DNMBP: variants seen among roughly 807,000 people sequenced by gnomAD.
DNMBP encodes the protein dynamin binding protein.
Under a neutral mutation model 150.0 loss-of-function variants are expected in DNMBP, and 87 were observed. The ratio of observed to expected loss-of-function variants is 0.58; its 90% CI spans 0.49 to 0.69. DNMBP has a LOEUF of 0.69. DNMBP is among the 30% of genes least tolerant of loss of function. DNMBP has a pLI of 0.00. For missense variants in DNMBP, 1,774 were observed against 1,949.0 expected (o/e 0.91, Z 1.69); for synonymous variants, 711 against 750.4 (o/e 0.95, Z 0.86).
chr10:99,974,106 CA>C (rs1265426811), intron 1 of DNMBP, among the ~76,000 whole-genome samples: 1 of 151,984 alleles, frequency 6.6e-6, no homozygotes, highest in Admixed American at 6.6e-5. Context: ...GTGGGCAACA[CA>C]GCACGACTTC....
At chr10:99,948,579 C>T (rs951354367) in intron 4 of DNMBP, among the ~76,000 whole-genome samples, 13 of 152,130 alleles carry the variant, frequency 8.5e-5, no homozygotes, top group African/African-American at 2.7e-4. Context: ...AATGAGAACC[C>T]ATGTGACATC....
At chr10:99,962,401 G>C (rs1015165995) in intron 3 of DNMBP, among the ~76,000 whole-genome samples, 1 of 152,206 alleles carries the variant, frequency 6.6e-6, no homozygotes, top group Non-Finnish European at 1.5e-5. Flanking sequence ...GGACGCCGAG[G>C]CAGGGGGATC....
intron 3 of DNMBP, among the ~76,000 whole-genome samples, chr10:99,962,856 T>C (rs527810099): frequency 9.9e-5 from 15 of 152,116 alleles, no homozygotes; most frequent in African/African-American, 2.4e-4. Context: ...CCTTGTTTTG[T>C]CAGATCCCCC....
intron 6 of DNMBP, among the ~76,000 whole-genome samples, chr10:99,904,587 C>T (rs1461134841): frequency 4.6e-5 from 7 of 152,078 alleles, no homozygotes; most frequent in Non-Finnish European, 8.8e-5. Flanking sequence ...TTAGAGCCAC[C>T]GGCATGGTAC....
At chr10:99,924,137 G>C (rs1018397305) in intron 4 of DNMBP, among the ~76,000 whole-genome samples, 1 of 152,086 alleles carries the variant, frequency 6.6e-6, no homozygotes, top group Non-Finnish European at 1.5e-5. Flanking sequence ...CTGGGCAACA[G>C]AGTAAGGCTC....
intron 3 of DNMBP, among the ~76,000 whole-genome samples, chr10:99,960,521 T>A (rs1246797700): frequency 6.6e-6 from 1 of 152,076 alleles, no homozygotes; most frequent in Non-Finnish European, 1.5e-5. Flanking sequence ...TAAAAAAAAA[T>A]TAGGCCAGGT....
intron 4 of DNMBP, among the ~76,000 whole-genome samples, chr10:99,922,298 A>G (rs2040030619): frequency 6.6e-6 from 1 of 151,622 alleles, no homozygotes; most frequent in African/African-American, 2.4e-5. Flanking sequence ...ACCCCTTAAC[A>G]CCCTCAGGTC....
chr10:99,971,240 T>C (rs933629358), intron 2 of DNMBP, among the ~76,000 whole-genome samples: 2 of 150,306 alleles, frequency 1.3e-5, no homozygotes, highest in African/African-American at 4.9e-5. Flanking sequence ...CACATATGAA[T>C]ACAGTAGGTA....
chr10:99,969,480 G>A lies in DNMBP; in HGVS notation c.146-243C>T, dbSNP rs199676559. Among the ~76,000 whole-genome samples, 4 of 152,170 alleles carry A rather than the reference G, an allele frequency of 2.6e-5. No individual in the cohort carries two copies. In the East Asian group the frequency reaches 5.8e-4, roughly 22 times the overall value. On this transcript the variant is annotated intron_variant, in intron 2 of 16. Coordinates refer to ENST00000324109, the MANE Select transcript of DNMBP (RefSeq NM_015221.4). ...CTGGGGGCTGCTATAGGCAAAGCACGCTGCAGAGGAAAACATAAGACAGTT... is the reference window on the plus strand; with the variant it reads ...CTGGGGGCTGCTATAGGCAAAGCACACTGCAGAGGAAAACATAAGACAGTT...
intron 1 of DNMBP, among the ~76,000 whole-genome samples, chr10:99,995,573 C>A (rs2040942226): frequency 6.6e-6 from 1 of 152,166 alleles, no homozygotes; most frequent in Non-Finnish European, 1.5e-5. Flanking sequence ...AAAAAGACAT[C>A]CAATTTTGTT....
intron 1 of DNMBP, among the ~76,000 whole-genome samples, chr10:100,001,501 T>A (rs2041012825): frequency 7.4e-6 from 1 of 135,440 alleles, no homozygotes; most frequent in East Asian, 2.6e-4. Flanking sequence ...AACCTCCACC[T>A]CCCAGGTTCA....
intron 5 of DNMBP, among the ~76,000 whole-genome samples, chr10:99,908,749 C>T (rs934743556): frequency 1.3e-5 from 2 of 152,186 alleles, no homozygotes; most frequent in African/African-American, 4.8e-5. Context: ...GGTAGGTTAA[C>T]AGTAGACTTG....
At chr10:99,909,850 GAACTA>G (rs1405329027) in intron 4 of DNMBP, among the ~76,000 whole-genome samples, 13 of 152,120 alleles carry the variant, frequency 8.5e-5, no homozygotes, top group Non-Finnish European at 1.6e-4. Flanking sequence ...GAATCTCTAA[GAACTA>G]AACTGCATTA....
At chr10:99,899,783 G>A in intron 7 of DNMBP, 136 bp downstream of exon 7, 2 of 1,023,984 alleles carry the variant, frequency 2.0e-6, no homozygotes, top group South Asian at 2.7e-5. Context: ...ATACAATCAG[G>A]AAACCACTTA....
chr10:99,888,919 C>T lies in DNMBP; in HGVS notation c.3191G>A (p.Ser1064Asn), dbSNP rs746884966. The T allele has an allele frequency of 6.2e-7, 1 of 1,614,056 alleles. No individual in the cohort carries two copies. Among genetic ancestry groups the T allele is most frequent in the African/African-American group, 1.3e-5 (1 of 74,894 alleles). ...TCTCTCCATGCACACATCCCACATG[C>T]TCACAGCAGCCACCACTTTCACACA... is the stretch of plus-strand genomic sequence containing the variant. ...SACVKVVAAV[S>N]MWDVCMERGH... The change falls in exon 12 of 17, where the codon AGC becomes AAC. Residue 1064 changes from serine (S) to asparagine (N), a missense_variant. Ser to Asn is a conservative substitution (Grantham distance 46). Transcript: ENST00000324109.
At chr10:99,887,670 C>T (rs2039490472) in intron 12 of DNMBP, among the ~76,000 whole-genome samples, 1 of 152,106 alleles carries the variant, frequency 6.6e-6, no homozygotes, top group African/African-American at 2.4e-5. Context: ...ATTAGAACAC[C>T]TGTCAGCTCC....
Position 99,969,192 on chromosome 10 carries a change from A to G in DNMBP, c.191T>C (p.Leu64Pro). The G allele has an allele frequency of 6.2e-7, 1 of 1,614,066 alleles. No individual in the cohort carries two copies. ...SFVEIVTIPS[L>P]KEGERLFVCI... ...CACAAACAGCCTCTCTCCCTCTTTT[A>G]GACTGGGAATGGTCACAATTTCCAC... is the stretch of plus-strand genomic sequence containing the variant. Residue 64 changes from leucine (L) to proline (P), a missense_variant, in exon 3 of 17, where the codon CTA becomes CCA. Around this residue, in one of 2 missense-constraint regions of DNMBP, gnomAD observed 344 missense variants for 456.6 expected, o/e 0.75. Coordinates refer to ENST00000324109, the MANE Select transcript of DNMBP (RefSeq NM_015221.4).
At chr10:99,982,524 T>C (rs1257564824) in intron 1 of DNMBP, among the ~76,000 whole-genome samples, 2 of 152,120 alleles carry the variant, frequency 1.3e-5, no homozygotes, top group Non-Finnish European at 2.9e-5. Context: ...AATAGTTCCC[T>C]AAATCCACCA....
intron 4 of DNMBP, among the ~76,000 whole-genome samples, chr10:99,936,879 C>T (rs1009365990): frequency 9.9e-5 from 15 of 151,492 alleles, no homozygotes; most frequent in African/African-American, 3.6e-4. Flanking sequence ...CAAAATGAAA[C>T]TCTAGATTGT....
Sources: allele counts gnomAD v4.1 joint callset (sites outside exome capture counted in the v4.1 genomes callset), GRCh38; gene constraint gnomAD v4.1.1; regional missense constraint gnomAD v4.1.1; transcripts MANE v1.5; gene names NCBI Gene and HGNC (gene_info 2026-07-23, HGNC 2026-07-21).